AKR1C4: variants seen among roughly 807,000 people sequenced by gnomAD.
AKR1C4 encodes the protein 3-alpha-HSD1.
Under a neutral mutation model 41.0 loss-of-function variants are expected in AKR1C4, and 44 were observed. The observed-to-expected ratio is 1.07, with a 90% confidence interval of 0.84 to 1.38. AKR1C4 has a LOEUF of 1.38. Among genes scored for constraint, AKR1C4 ranks in the 40% most tolerant of loss-of-function variants. AKR1C4 has a pLI of 0.00. For synonymous variants in AKR1C4, 165 were observed against 137.7 expected, an observed-to-expected ratio of 1.20 and a Z score of -1.39; for missense variants, 438 against 387.9, an observed-to-expected ratio of 1.13 and a Z score of -1.09.
intron 1 of AKR1C4, 29 bp downstream of exon 1, chr10:5,196,980 T>C (rs1554796380): frequency 1.2e-6 from 2 of 1,605,114 alleles, no homozygotes; most frequent in Admixed American, 3.3e-5. Flanking sequence ...GCATTGAGCA[T>C]TTAAAAGAGC....
At chr10:5,217,862 A>C (rs1832677121) in intron 8 of AKR1C4, among the ~76,000 whole-genome samples, 1 of 152,232 alleles carries the variant, frequency 6.6e-6, no homozygotes, top group Non-Finnish European at 1.5e-5. Flanking sequence ...CCAAGGTTCT[A>C]GGATTCACAG....
At chr10:5,204,135 G>C (rs1832448366) in intron 2 of AKR1C4, among the ~76,000 whole-genome samples, 1 of 152,116 alleles carries the variant, frequency 6.6e-6, no homozygotes, top group Non-Finnish European at 1.5e-5. Flanking sequence ...CAGATCATCA[G>C]AATTACTTGA....
At chr10:5,203,712 A>G (rs1348545456) in intron 2 of AKR1C4, among the ~76,000 whole-genome samples, 1 of 152,172 alleles carries the variant, frequency 6.6e-6, no homozygotes, top group Non-Finnish European at 1.5e-5. Flanking sequence ...TCTATATGCT[A>G]TTCTGTCTTT....
intron 5 of AKR1C4, chr10:5,207,564 AGACTT>A: frequency 1.3e-6 from 1 of 757,574 alleles, no homozygotes; most frequent in South Asian, 1.4e-5. Flanking sequence ...CTAAGAAACT[AGACTT>A]GAAGAACTTG....
intron 1 of AKR1C4, among the ~76,000 whole-genome samples, chr10:5,199,883 C>T (rs1000286930): frequency 1.3e-5 from 2 of 152,192 alleles, no homozygotes; most frequent in Non-Finnish European, 2.9e-5. Context: ...TCTAATTGAG[C>T]TGGTTAACAC....
At chr10:5,208,168 C>A (rs568251590) in intron 5 of AKR1C4, among the ~76,000 whole-genome samples, 2 of 151,660 alleles carry the variant, frequency 1.3e-5, no homozygotes, top group South Asian at 4.1e-4. Flanking sequence ...TTTTGACTGT[C>A]CACATCTTAT....
chr10:5,205,668 G>A (rs3750568), intron 3 of AKR1C4, 89 bp from the exon 4 acceptor site: 156,949 of 1,121,940 alleles, frequency 0.14, 11,907 homozygotes, highest in Admixed American at 0.19. Context: ...CCTACCTCAC[G>A]GTGGATTATT....
intron 7 of AKR1C4, among the ~76,000 whole-genome samples, chr10:5,214,795 C>T (rs77503049): frequency 0.11 from 17,155 of 152,106 alleles, 1,183 homozygotes; most frequent in Admixed American, 0.17. Context: ...TCCTCTCATT[C>T]TCTGTATCAT....
intron 3 of AKR1C4, among the ~76,000 whole-genome samples, chr10:5,205,339 T>C (rs6601924): frequency 0.86 from 131,470 of 152,188 alleles, 56,841 homozygotes; most frequent in Middle Eastern, 0.91. Context: ...ACATGTTTAG[T>C]TTATGATCCT....
At chr10:5,207,070 A>C (rs1832501010) in intron 5 of AKR1C4, 1 of 154,692 alleles carries the variant, frequency 6.5e-6, no homozygotes, top group African/African-American at 2.4e-5. Context: ...CCAGACTCCA[A>C]AACGGGAGTC....
At chr10:5,215,702 G>T (rs536123823) in intron 7 of AKR1C4, among the ~76,000 whole-genome samples, 1 of 152,222 alleles carries the variant, frequency 6.6e-6, no homozygotes, top group African/African-American at 2.4e-5. Context: ...TAACAAGGGT[G>T]ATCTTTGTTC....
intron 7 of AKR1C4, among the ~76,000 whole-genome samples, chr10:5,214,138 G>T (rs1554798244): frequency 2.6e-5 from 4 of 151,976 alleles, no homozygotes; most frequent in Non-Finnish European, 5.9e-5. Context: ...TTTAATATGT[G>T]AAATAAGAGT....
At chr10:5,212,791 C>T in intron 6 of AKR1C4, 66 bp downstream of exon 6, 5 of 1,525,476 alleles carry the variant, frequency 3.3e-6, no homozygotes, top group Non-Finnish European at 3.6e-6. Context: ...TTATAGCATA[C>T]TCAGTCTCCT....
At chr10:5,202,004 A>G (rs547140045) in intron 2 of AKR1C4, among the ~76,000 whole-genome samples, 41 of 152,284 alleles carry the variant, frequency 2.7e-4, no homozygotes, top group African/African-American at 9.9e-4. Context: ...GTATAACTAT[A>G]GTCATGTAGT....
chr10:5,201,194 A>G (rs563153621), intron 2 of AKR1C4, among the ~76,000 whole-genome samples: 2 of 152,288 alleles, frequency 1.3e-5, no homozygotes, highest in African/African-American at 2.4e-5. Context: ...ACTGTTTTCC[A>G]TAAAGATTAC....
intron 2 of AKR1C4, among the ~76,000 whole-genome samples, chr10:5,201,945 T>G (rs530566594): frequency 6.6e-6 from 1 of 152,352 alleles, no homozygotes; most frequent in East Asian, 1.9e-4. Context: ...TTCTCTATTC[T>G]GTTTCATTGA....
At chr10:5,218,219 A>G (rs1554798780) in intron 8 of AKR1C4, among the ~76,000 whole-genome samples, 2 of 152,230 alleles carry the variant, frequency 1.3e-5, no homozygotes, top group African/African-American at 2.4e-5. Flanking sequence ...GACAATTTAC[A>G]TGTCTGAATC....
intron 2 of AKR1C4, among the ~76,000 whole-genome samples, chr10:5,203,821 G>C (rs927349311): frequency 3.9e-5 from 6 of 152,308 alleles, no homozygotes; most frequent in African/African-American, 1.2e-4. Context: ...GATTCAGAGA[G>C]ACCTATAATC....
intron 1 of AKR1C4, among the ~76,000 whole-genome samples, chr10:5,198,939 G>A (rs1158765866): frequency 4.0e-5 from 6 of 151,682 alleles, no homozygotes; most frequent in Non-Finnish European, 7.4e-5. Context: ...GGTAAAGAAG[G>A]TGGGGGTGGG....
Sources: allele counts gnomAD v4.1 joint callset (sites outside exome capture counted in the v4.1 genomes callset), GRCh38; gene constraint gnomAD v4.1.1; transcripts MANE v1.5; gene names NCBI Gene and HGNC (gene_info 2026-07-23, HGNC 2026-07-21).